Variants in TRPM2 observed in about 807,000 individuals in gnomAD.
The protein encoded by TRPM2 is transient receptor potential cation channel subfamily M member 2.
In TRPM2, 161 loss-of-function variants were observed where a neutral mutation model predicts 174.0. The observed-to-expected ratio is 0.93, with a 90% confidence interval of 0.81 to 1.05. The LOEUF is 1.05. Ranked by LOEUF, TRPM2 falls within the 50% of genes least tolerant of loss-of-function variation. The pLI is 0.00. For missense variants in TRPM2, 2,057 were observed against 2,038.0 expected, an observed-to-expected ratio of 1.01 and a Z score of -0.18; for synonymous variants, 954 against 861.3, an observed-to-expected ratio of 1.11 and a Z score of -1.88.
rs751178016 is a variant in TRPM2 at position 44,379,208 on chromosome 21, C to T, written c.1215+11C>T. 8.5e-5 allele frequency: 137 copies of T among 1,609,988 alleles called. No individual in the cohort carries two copies. The highest frequency in any genetic ancestry group is 1.7e-4 in the Admixed American group (10 of 59,994). On this transcript the variant is annotated intron_variant, in intron 8 of 31. Coordinates refer to ENST00000397928, the MANE Select transcript of TRPM2 (RefSeq NM_003307.4). ...GAGTGGACCAAAAAGGTGAGGCTGA[C>T]GGGCACGACGGTCACCAGCATGTGG... is the stretch of plus-strand genomic sequence containing the variant.
At chr21:44,409,604 C>A in intron 19 of TRPM2, among the ~76,000 whole-genome samples, 1 of 142,386 alleles carries the variant, frequency 7.0e-6, no homozygotes, top group African/African-American at 2.6e-5. Context: ...GTTGGCGTAG[C>A]CTTGTAGTGA....
rs530436617 is a variant in TRPM2, at chr21:44,376,534, C to T, written c.952+521C>T. Among the ~76,000 whole-genome samples the T allele has an allele frequency of 3.3e-5, 5 of 152,332 alleles. No individual in the cohort carries two copies. Among genetic ancestry groups the T allele is most frequent in the African/African-American group, 9.6e-5 (4 of 41,580 alleles). On this transcript the variant is annotated intron_variant, in intron 6 of 31. Transcript: ENST00000397928. This position sits in a 1 kb window ranked among gnomAD's most constrained non-coding sequence, Gnocchi z 4.2. ...GTGCTGGGATTACAAGCTTGAACCA[C>T]TGTGCCTGGCCCTACAATTATTTTA...
chr21:44,362,348 C>CAAAAAAAAAAAAAA (rs57031573), intron 2 of TRPM2, among the ~76,000 whole-genome samples: 6 of 89,250 alleles, frequency 6.7e-5, no homozygotes, highest in South Asian at 3.6e-4. Context: ...ACTAAAAATA[C>CAAAAAAAAAAAAAA]AAAAAAAAAA....
chr21:44,406,175 C>T (rs955363641), intron 18 of TRPM2, 138 bp downstream of exon 18: 6 of 1,156,274 alleles, frequency 5.2e-6, no homozygotes, highest in African/African-American at 3.1e-5. Flanking sequence ...GCCCCTTGGG[C>T]TCCCAAGAAT....
intron 9 of TRPM2, among the ~76,000 whole-genome samples, chr21:44,387,765 TACAA>T (rs1201324226): frequency 6.6e-6 from 1 of 152,120 alleles, no homozygotes; most frequent in East Asian, 1.9e-4. Context: ...AAAGAAGTCG[TACAA>T]ATGGCCAATA....
intron 2 of TRPM2, among the ~76,000 whole-genome samples, chr21:44,362,876 C>T (rs535431834): frequency 2.0e-4 from 31 of 152,228 alleles, no homozygotes; most frequent in Non-Finnish European, 3.7e-4. Context: ...TGGGTTCAAG[C>T]GAGTCTCCTG....
chr21:44,395,409 A>C lies in TRPM2; in HGVS notation c.1795-5A>C. On this transcript the variant is annotated splice_region_variant and splice_polypyrimidine_tract_variant and intron_variant, in intron 11 of 31. Transcript: ENST00000397928. ...CTGGGGCTCTGACAGTTCACTGCTC[A>C]CCAGGTGCAGGGAGTGAGCCTCCGG... 1 of 1,612,422 alleles carries C rather than the reference A, an allele frequency of 6.2e-7. No individual in the cohort carries two copies. The highest frequency in any genetic ancestry group is 8.5e-7 in the Non-Finnish European group (1 of 1,179,824).
At chr21:44,350,212 G>C (rs2122995310), upstream of TRPM2, 1 of 152,294 alleles carries the variant, frequency 6.6e-6, no homozygotes, top group African/African-American at 2.4e-5. Context: ...TGGCCCCGCG[G>C]GGCCAGGGCG....
intron 8 of TRPM2, among the ~76,000 whole-genome samples, chr21:44,379,863 C>G (rs956532264): frequency 6.6e-6 from 1 of 152,230 alleles, no homozygotes; most frequent in African/African-American, 2.4e-5. Flanking sequence ...GGGGCTGGCA[C>G]TGGGGCCTTT....
At chr21:44,358,701 G>T (rs2048124878) in intron 2 of TRPM2, among the ~76,000 whole-genome samples, 1 of 152,172 alleles carries the variant, frequency 6.6e-6, no homozygotes, top group Non-Finnish European at 1.5e-5. Flanking sequence ...CAAGACGGGA[G>T]AGCTCAGGTC....
In TRPM2 at chr21:44,402,904, G is replaced by C. The variant is rs1425442369; in HGVS notation, c.2538+1007G>C. ...GACTTACCTCTGCTCTCTAACCTTG[G>C]TGGACCACCAGGCCCCCAGTTACCC... On this transcript the variant is annotated intron_variant, in intron 16 of 31. Coordinates refer to ENST00000397928, the MANE Select transcript of TRPM2 (RefSeq NM_003307.4). Among the ~76,000 whole-genome samples the C allele has an allele frequency of 5.9e-5, 9 of 152,178 alleles. No individual in the cohort carries two copies. The East Asian group carries it at 1.7e-3, about 29-fold the overall frequency.
intron 2 of TRPM2, among the ~76,000 whole-genome samples, chr21:44,361,062 G>T (rs1029880139): frequency 6.6e-6 from 1 of 152,094 alleles, no homozygotes. Flanking sequence ...TACGTCAATG[G>T]AATCATACGC....
At chr21:44,410,347 T>G (rs543628118) in intron 19 of TRPM2, among the ~76,000 whole-genome samples, 1,120 of 73,586 alleles carry the variant, frequency 0.015, 124 homozygotes, top group African/African-American at 0.046. Context: ...CTGTCTTGGT[T>G]GGTGTAGCCT....
rs182901285 is a variant in TRPM2, at chr21:44,398,021, G to A, written c.2062+145G>A. The A allele has an allele frequency of 3.7e-4, 389 of 1,063,944 alleles. No individual in the cohort carries two copies. The African/African-American group carries it at 5.4e-3, about 15-fold the overall frequency. 65.9% of individuals were successfully genotyped at this position (1,063,944 alleles called of 1,614,324 possible). The stretch of plus-strand genomic sequence containing the variant: ...CTCAGCCCTGCACGCTTACCCTGGG[G>A]TCCTCATCCCGGAGTCTCGGCCCTG... On this transcript the variant is annotated intron_variant, in intron 13 of 31. Coordinates refer to ENST00000397928, the MANE Select transcript of TRPM2 (RefSeq NM_003307.4).
At chr21:44,412,694 G>T (rs985756922) in intron 19 of TRPM2, among the ~76,000 whole-genome samples, 1 of 151,676 alleles carries the variant, frequency 6.6e-6, no homozygotes, top group Non-Finnish European at 1.5e-5. Context: ...TAGCTGCAGG[G>T]TTTTTGTAAA....
At chr21:44,402,911 A>G (rs1011355271) in intron 16 of TRPM2, among the ~76,000 whole-genome samples, 2 of 152,146 alleles carry the variant, frequency 1.3e-5, no homozygotes, top group African/African-American at 2.4e-5. Context: ...TTGGTGGACC[A>G]CCAGGCCCCC....
chr21:44,403,602 T>C (rs572510130), intron 16 of TRPM2, among the ~76,000 whole-genome samples: 3 of 145,090 alleles, frequency 2.1e-5, no homozygotes, highest in Admixed American at 6.8e-5. Context: ...ATGCACACAG[T>C]ACACACATAG....
intron 11 of TRPM2, among the ~76,000 whole-genome samples, chr21:44,392,093 T>G (rs1271081439): frequency 6.6e-6 from 1 of 151,852 alleles, no homozygotes; most frequent in African/African-American, 2.4e-5. Flanking sequence ...GCCTCCCAAG[T>G]AGCTGGGACT....
chr21:44,415,526 C>T (rs760807872), intron 20 of TRPM2: 1 of 152,278 alleles, frequency 6.6e-6, no homozygotes, highest in Non-Finnish European at 1.5e-5. Flanking sequence ...GGGAGGAGCA[C>T]AGCCCTGCCG....
Sources: allele counts gnomAD v4.1 joint callset (sites outside exome capture counted in the v4.1 genomes callset), GRCh38; gene constraint gnomAD v4.1.1; non-coding constraint Gnocchi (gnomAD v3.1); transcripts MANE v1.5; gene names NCBI Gene and HGNC (gene_info 2026-07-23, HGNC 2026-07-21).